Variants in PTPRR observed in about 807,000 individuals in gnomAD.
The protein encoded by PTPRR is receptor-type tyrosine-protein phosphatase R.
PTPRR carries 38 observed loss-of-function variants against 77.2 expected under a neutral mutation model. The observed-to-expected ratio is 0.49, with a 90% confidence interval of 0.38 to 0.65. PTPRR has a LOEUF of 0.65. Among genes scored for constraint, PTPRR ranks in the 30% least tolerant of loss-of-function variants. PTPRR has a pLI of 0.00. For missense variants in PTPRR, 744 were observed against 799.2 expected, an observed-to-expected ratio of 0.93 and a Z score of 0.83; for synonymous variants, 299 against 283.1, an observed-to-expected ratio of 1.06 and a Z score of -0.57.
At chr12:70,797,751 C>T (rs1381172585) in intron 2 of PTPRR, among the ~76,000 whole-genome samples, 2 of 152,162 alleles carry the variant, frequency 1.3e-5, no homozygotes, top group Admixed American at 6.5e-5. Flanking sequence ...GCTTCTGTGG[C>T]ATCATATATT....
chr12:70,820,041 A>G (rs1393574493), intron 2 of PTPRR, among the ~76,000 whole-genome samples: 1 of 152,256 alleles, frequency 6.6e-6, no homozygotes, highest in Non-Finnish European at 1.5e-5. Flanking sequence ...TATTAGAAAT[A>G]GGTTGAAATA....
chr12:70,739,330 T>G (rs1163487569), intron 6 of PTPRR, among the ~76,000 whole-genome samples: 1 of 152,194 alleles, frequency 6.6e-6, no homozygotes, highest in Non-Finnish European at 1.5e-5. Context: ...GGAGCAGATA[T>G]TATTTTATAG....
chr12:70,892,876 G>C lies in PTPRR; in HGVS notation c.160C>G (p.Leu54Val), dbSNP rs778886611. The change falls in exon 2 of 14, where the codon CTG (leucine) becomes GTG (valine). Residue 54 changes from leucine (L) to valine (V), a missense_variant. Physicochemically the swap from Leu to Val is conservative, Grantham distance 32. Transcript: ENST00000283228. Reference protein sequence around the residue: ...YKHSQDIEKSLDIAPQKIYRH... With the variant: ...YKHSQDIEKSVDIAPQKIYRH... ...TAGATTTTTTGTGGGGCTATATCCA[G>C]GCTCTTCTCAATGTCTTGTGAATGC... 9 of 1,613,366 alleles carry C rather than the reference G, an allele frequency of 5.6e-6. No individual in the cohort carries two copies. The Admixed American group carries it at 1.0e-4, about 18-fold the overall frequency.
At chr12:70,649,030 G>T (rs1886299533) in intron 13 of PTPRR, among the ~76,000 whole-genome samples, 1 of 152,174 alleles carries the variant, frequency 6.6e-6, no homozygotes, top group Admixed American at 6.5e-5. Context: ...AGAGAATGAG[G>T]AATCTACCAA....
At chr12:70,848,083 TC>T (rs1176735737) in intron 2 of PTPRR, among the ~76,000 whole-genome samples, 4 of 152,140 alleles carry the variant, frequency 2.6e-5, no homozygotes, top group Non-Finnish European at 5.9e-5. Flanking sequence ...GAGATTCCCA[TC>T]CACTCATATT....
At chr12:70,671,977 C>G in intron 10 of PTPRR, 1 of 1,281,202 alleles carries the variant, frequency 7.8e-7, no homozygotes, top group Non-Finnish European at 1.1e-6. Flanking sequence ...AGAAGTGGCC[C>G]TTTCAACCCT....
intron 5 of PTPRR, among the ~76,000 whole-genome samples, chr12:70,748,249 T>A (rs1477275867): frequency 6.6e-6 from 1 of 152,176 alleles, no homozygotes; most frequent in Non-Finnish European, 1.5e-5. Flanking sequence ...AAACCTAGAA[T>A]CCAAGTTTTG....
chr12:70,688,713 G>C (rs1330383556), intron 8 of PTPRR, among the ~76,000 whole-genome samples: 1 of 152,134 alleles, frequency 6.6e-6, no homozygotes, highest in African/African-American at 2.4e-5. Flanking sequence ...ACTGAAGTCA[G>C]TATGTTGAAG....
At chr12:70,735,332 G>A (rs1664685943) in intron 6 of PTPRR, among the ~76,000 whole-genome samples, 1 of 152,218 alleles carries the variant, frequency 6.6e-6, no homozygotes, top group African/African-American at 2.4e-5. Context: ...CACATGGCTG[G>A]GGAGGCCCCA....
chr12:70,759,652 C>A (rs1238249448), intron 4 of PTPRR, among the ~76,000 whole-genome samples: 6 of 128,102 alleles, frequency 4.7e-5, no homozygotes, highest in African/African-American at 1.8e-4. Context: ...TGCACTCCAG[C>A]CTGGGAGACA....
At chr12:70,849,938 C>A (rs1892544934) in intron 2 of PTPRR, among the ~76,000 whole-genome samples, 1 of 152,084 alleles carries the variant, frequency 6.6e-6, no homozygotes, top group Non-Finnish European at 1.5e-5. Context: ...CATCCAATTG[C>A]CTAAACTATA....
chr12:70,843,808 ATTTTTTTTTT>A (rs201003875), intron 2 of PTPRR, among the ~76,000 whole-genome samples: 40 of 124,676 alleles, frequency 3.2e-4, no homozygotes, highest in African/African-American at 9.1e-4. Flanking sequence ...GTTGCTGAAA[ATTTTTTTTTT>A]TTTTTTTTTT....
intron 2 of PTPRR, among the ~76,000 whole-genome samples, chr12:70,832,988 A>G (rs559126351): frequency 1.1e-4 from 17 of 152,212 alleles, no homozygotes; most frequent in Admixed American, 4.6e-4. Context: ...AGATTCAGAA[A>G]CTATCTGAAC....
At chr12:70,783,713 C>T (rs577219450) in intron 2 of PTPRR, among the ~76,000 whole-genome samples, 109 of 152,082 alleles carry the variant, frequency 7.2e-4, no homozygotes, top group Non-Finnish European at 1.3e-3. Flanking sequence ...TGCCCAGGAG[C>T]CTGTCTGCCT....
intron 8 of PTPRR, among the ~76,000 whole-genome samples, chr12:70,693,834 G>C (rs913237824): frequency 2.0e-5 from 3 of 152,124 alleles, no homozygotes; most frequent in African/African-American, 7.2e-5. Flanking sequence ...TCTATACATA[G>C]ATGGTACCCC....
chr12:70,734,146 C>T lies in PTPRR; in HGVS notation c.1007+11672G>A, dbSNP rs114048784. On this transcript the variant is annotated intron_variant, in intron 6 of 13. Transcript: ENST00000283228. ...GATTAAAACGCTTCTTCAGAACAGG[C>T]CATTTCACCTAATTCTGTCAACCTA... 6.4e-3 allele frequency among the ~76,000 whole-genome samples: 979 copies of T among 152,208 alleles called. 13 individuals carry two copies. Among genetic ancestry groups the T allele is most frequent in the African/African-American group, 0.023 (951 of 41,506 alleles).
rs1890522001 is a variant in PTPRR at position 70,754,845 on chromosome 12, A to C, written c.628-544T>G. The stretch of plus-strand genomic sequence containing the variant: ...TTTTTCAAATAGAGTCTCTGCTGTC[A>C]AAACCTGACTAAAATATCATCTCAA... On this transcript the variant is annotated intron_variant, in intron 4 of 13. Transcript: ENST00000283228. The C allele has an allele frequency of 3.0e-6, 3 of 1,011,644 alleles. No homozygotes were observed. The Admixed American group carries it at 9.0e-5, about 30-fold the overall frequency. 62.7% of individuals were successfully genotyped at this position (1,011,644 alleles called of 1,614,324 possible).
At chr12:70,696,667 T>C (rs1362891136) in intron 8 of PTPRR, among the ~76,000 whole-genome samples, 1 of 151,968 alleles carries the variant, frequency 6.6e-6, no homozygotes, top group Non-Finnish European at 1.5e-5. Flanking sequence ...ATCACAGCAT[T>C]TTTTTTTAAA....
chr12:70,854,730 C>A (rs551009724), intron 2 of PTPRR, among the ~76,000 whole-genome samples: 18 of 152,318 alleles, frequency 1.2e-4, no homozygotes, highest in Admixed American at 7.2e-4. Context: ...AACTGTGTGA[C>A]TGGGCAATGT....
Sources: allele counts gnomAD v4.1 joint callset (sites outside exome capture counted in the v4.1 genomes callset), GRCh38; gene constraint gnomAD v4.1.1; transcripts MANE v1.5; gene names NCBI Gene and HGNC (gene_info 2026-07-23, HGNC 2026-07-21).